Variants in SRP19 observed in about 807,000 individuals in gnomAD.
SRP19 encodes the protein signal recognition particle 19 kDa protein.
Under a neutral mutation model 22.4 loss-of-function variants are expected in SRP19, and 11 were observed. The ratio of observed to expected loss-of-function variants is 0.49; its 90% CI spans 0.31 to 0.81. The LOEUF (loss-of-function observed/expected upper bound fraction) is 0.81, where lower values mean the gene tolerates loss of function less well. Ranked by LOEUF, SRP19 falls within the 40% of genes least tolerant of loss-of-function variation. The probability of loss-of-function intolerance (pLI) is 0.05; values close to 1 mark genes in which losing one functional copy is unlikely to be tolerated. For synonymous variants in SRP19, 61 were observed against 57.6 expected (o/e 1.06, Z -0.27); for missense variants, 168 against 175.9 (o/e 0.96, Z 0.25).
chr5:112,892,693 T>C (rs773573498), exon 5 of SRP19: 28 of 1,614,040 alleles, frequency 1.7e-5, no homozygotes, highest in Non-Finnish European at 2.2e-5. Flanking sequence ...TAGAGACATC[T>C]ACTTGTCTTC....
intron 4 of SRP19, among the ~76,000 whole-genome samples, chr5:112,879,416 A>T (rs1768001117): frequency 6.6e-6 from 1 of 152,116 alleles, no homozygotes; most frequent in Admixed American, 6.6e-5. Context: ...AAGCCCTTAA[A>T]TAGAATGGCA....
intron 4 of SRP19, 30 bp downstream of exon 4, chr5:112,864,762 T>G (rs1254094904): frequency 6.5e-7 from 1 of 1,537,270 alleles, no homozygotes; most frequent in Non-Finnish European, 8.9e-7. Flanking sequence ...TCAGTGGGGC[T>G]CAGGGATAGG....
downstream of SRP19, chr5:112,895,272 G>C (rs1768648622): frequency 1.3e-5 from 2 of 149,110 alleles, no homozygotes. Context: ...GGAGAGGTGG[G>C]GTGTGTTTTA....
intron 4 of SRP19, chr5:112,885,301 G>T (rs576280094): frequency 3.5e-4 from 61 of 172,986 alleles, no homozygotes; most frequent in Middle Eastern, 2.5e-3. Flanking sequence ...TCAAATGAGT[G>T]ACCTGAAACA....
At chr5:112,862,292 G>T in intron 1 of SRP19, 1 of 592,578 alleles carries the variant, frequency 1.7e-6, no homozygotes, top group Non-Finnish European at 3.0e-6. Context: ...ATCAGAAAGA[G>T]GAGTAGGCCC....
chr5:112,887,179 C>G, intron 4 of SRP19: 2 of 1,587,546 alleles, frequency 1.3e-6, no homozygotes, highest in Non-Finnish European at 1.7e-6. Flanking sequence ...CAACAGGAAG[C>G]CACACTGCAC....
At chr5:112,873,616 G>A (rs1283567771), downstream of SRP19, among the ~76,000 whole-genome samples, 1 of 151,668 alleles carries the variant, frequency 6.6e-6, no homozygotes. Flanking sequence ...CAAAGTGCTG[G>A]GATTACGGGC....
chr5:112,867,002 G>A (rs1300302859), intron 4 of SRP19, among the ~76,000 whole-genome samples: 2 of 152,106 alleles, frequency 1.3e-5, no homozygotes, highest in Admixed American at 6.6e-5. Context: ...CTTGTAACTT[G>A]ATGATACTGT....
chr5:112,885,871 C>A, intron 4 of SRP19: 2 of 194,762 alleles, frequency 1.0e-5, no homozygotes. Flanking sequence ...AATTCGTGGT[C>A]TCAGTGAAGG....
intron 4 of SRP19, chr5:112,887,005 T>C: frequency 1.9e-6 from 3 of 1,581,446 alleles, no homozygotes; most frequent in Non-Finnish European, 2.6e-6. Context: ...ATCTTGTTCC[T>C]GAGTCTTACC....
At chr5:112,879,859 G>C (rs577745098) in intron 4 of SRP19, among the ~76,000 whole-genome samples, 1 of 151,924 alleles carries the variant, frequency 6.6e-6, no homozygotes, top group Admixed American at 6.6e-5. Flanking sequence ...TGGGAAGATC[G>C]CTTGAAGCCA....
rs755148026 is a variant in SRP19 at position 112,892,916 on chromosome 5, C to T, written c.*1309C>T. 6.2e-6 allele frequency: 10 copies of T among 1,607,080 alleles called. No individual in the cohort carries two copies. The East Asian group carries it at 1.8e-4, about 29-fold the overall frequency. ...AAGAGTCGGGAGAGGCACAATTCAC[C>T]AAGCAGAGGAAGAAATAGGCACCGC... On this transcript the variant is annotated 3_prime_UTR_variant, in exon 5 of 5. Transcript: ENST00000391338.
At position 112,867,308 on chromosome 5, in the gene SRP19, G is replaced by T. The variant is rs866414261; in HGVS notation, c.302-96G>T. 2 of 1,385,448 alleles carry T rather than the reference G, an allele frequency of 1.4e-6. No homozygotes were observed. The highest frequency in any genetic ancestry group is 1.6e-5 in the South Asian group (1 of 62,904). 85.8% of individuals were successfully genotyped at this position (1,385,448 alleles called of 1,614,324 possible). On this transcript the variant is annotated intron_variant, in intron 4 of 4. Transcript: ENST00000505459. Reference sequence around the variant, plus strand: ...TAAAAAAGTTATTTTCCATTTTCTTGATGTGATAGTTTCTTACACTTTGTG... The same window carrying T: ...TAAAAAAGTTATTTTCCATTTTCTTTATGTGATAGTTTCTTACACTTTGTG...
intron 1 of SRP19, 23 bp from the exon 2 acceptor site, chr5:112,862,485 A>C (rs776181200): frequency 1.2e-6 from 2 of 1,607,828 alleles, no homozygotes; most frequent in African/African-American, 2.7e-5. Context: ...TAGTGATACC[A>C]CTTATGCTAT....
chr5:112,879,194 T>C lies in SRP19; in HGVS notation c.302-12409T>C, dbSNP rs562790208. Among the ~76,000 whole-genome samples, 7 of 152,254 alleles carry C rather than the reference T, an allele frequency of 4.6e-5. No individual in the cohort carries two copies. In the East Asian group the frequency reaches 1.4e-3, roughly 29 times the overall value. ...TTCTATTTGTATCTGTGTGCTTGCC[T>C]GTAAGATTTCACTTATCAATATATT... On this transcript the variant is annotated intron_variant, in intron 4 of 4. Coordinates refer to the SRP19 transcript ENST00000391338.
chr5:112,874,110 G>C (rs1009728740), downstream of SRP19, among the ~76,000 whole-genome samples: 9 of 152,210 alleles, frequency 5.9e-5, no homozygotes, highest in Admixed American at 5.9e-4. Flanking sequence ...AGGCTGCAGA[G>C]AGTTGTGATC....
At chr5:112,865,642 G>A (rs1157639242) in intron 4 of SRP19, among the ~76,000 whole-genome samples, 2 of 150,232 alleles carry the variant, frequency 1.3e-5, no homozygotes, top group African/African-American at 4.9e-5. Context: ...CGCTCTGGCT[G>A]GAGTACAGTG....
exon 5 of SRP19, chr5:112,892,290 G>T (rs755445568): frequency 6.2e-7 from 1 of 1,614,096 alleles, no homozygotes; most frequent in Admixed American, 1.7e-5. Context: ...TTGGAATGGA[G>T]CAGTGCAGGA....
At chr5:112,874,179 C>A (rs1375236822), downstream of SRP19, among the ~76,000 whole-genome samples, 3 of 151,742 alleles carry the variant, frequency 2.0e-5, no homozygotes, top group Non-Finnish European at 2.9e-5. Context: ...AAACAAAAAA[C>A]CACAAAAGTT....
Sources: gnomAD v4.1 joint callset for allele counts (sites outside exome capture counted in the v4.1 genomes callset) on GRCh38, gnomAD v4.1.1 for gene constraint, MANE v1.5 for transcripts, NCBI Gene and HGNC (gene_info 2026-07-23, HGNC 2026-07-21) for gene names.